The following BCR variants were observed in gnomAD, a reference collection of about 807,000 sequenced individuals.
The protein encoded by BCR is breakpoint cluster region protein.
Under a neutral mutation model 138.6 loss-of-function variants are expected in BCR, and 58 were observed. That is an observed-to-expected ratio of 0.42 (90% CI 0.34 to 0.52). The LOEUF is 0.52. Ranked by LOEUF, BCR falls within the 20% of genes least tolerant of loss-of-function variation. BCR has a pLI of 0.06. For synonymous variants in BCR, 786 were observed against 730.1 expected, an observed-to-expected ratio of 1.08 and a Z score of -1.23; for missense variants, 1,599 against 1,727.2, an observed-to-expected ratio of 0.93 and a Z score of 1.32.
rs770716239 is a variant in BCR, at chr22:23,181,169, A to G, written c.209A>G (p.Tyr70Cys). The G allele has an allele frequency of 7.8e-6, 11 of 1,409,710 alleles. No homozygotes were observed. The highest frequency in any genetic ancestry group is 2.9e-5 in the African/African-American group (2 of 67,978). 87.3% of individuals were successfully genotyped at this position (1,409,710 alleles called of 1,614,324 possible). A position where few individuals can be genotyped will look rare whatever the true frequency, so the allele number is the denominator to read the frequency against. ...QTLLAKEKKS[Y>C]DRQRWGFRRA... The stretch of plus-strand genomic sequence containing the variant: ...TTGCTGGCCAAGGAAAAGAAGAGCT[A>G]TGACCGGCAGCGATGGGGCTTCCGG... Residue 70 changes from tyrosine (Y) to cysteine (C), a missense_variant, in exon 1 of 23, where the codon TAT becomes TGT. By Grantham distance (194) the Tyr-to-Cys change is radical. Around this residue, in one of 4 missense-constraint regions of BCR, gnomAD observed 806 missense variants for 635.0 expected, o/e 1.27. Coordinates refer to ENST00000305877, the MANE Select transcript of BCR (RefSeq NM_004327.4).
At chr22:23,302,907 G>A (rs2073918049) in intron 16 of BCR, 1 of 152,296 alleles carries the variant, frequency 6.6e-6, no homozygotes, top group East Asian at 1.9e-4. Context: ...CCAGGGGCTG[G>A]AGCCAGATAG....
At position 23,182,094 on chromosome 22, in the gene BCR, C is replaced by T. The variant is rs2072275848; in HGVS notation, c.1134C>T (p.Phe378=). 6.2e-7 allele frequency: 1 copy of T among 1,613,148 alleles called. No homozygotes were observed. The part of the protein sequence containing the change: ...RSPSQNSQQS[F]DSSSPPTPQC... Reference sequence around the variant, plus strand: ...CCTCGCAGAACTCGCAACAGTCCTTCGACAGCAGCAGTCCCCCCACGCCGC... The same window carrying T: ...CCTCGCAGAACTCGCAACAGTCCTTTGACAGCAGCAGTCCCCCCACGCCGC... Residue 378 remains phenylalanine, a synonymous_variant, in exon 1 of 23, where the codon TTC becomes TTT. Coordinates refer to ENST00000305877, the MANE Select transcript of BCR (RefSeq NM_004327.4).
intron 4 of BCR, among the ~76,000 whole-genome samples, chr22:23,266,264 T>G (rs1184095375): frequency 6.6e-6 from 1 of 152,008 alleles, no homozygotes; most frequent in Non-Finnish European, 1.5e-5. Context: ...TTTTTTTGTG[T>G]TTTTAGTAGA....
intron 2 of BCR, among the ~76,000 whole-genome samples, chr22:23,258,578 C>T (rs1273595476): frequency 2.0e-5 from 3 of 152,234 alleles, no homozygotes; most frequent in Admixed American, 6.5e-5. Context: ...CAGTCAGATC[C>T]TTCCTCAAAC....
intron 4 of BCR, among the ~76,000 whole-genome samples, chr22:23,265,335 C>G (rs2073427731): frequency 6.6e-6 from 1 of 152,352 alleles, no homozygotes; most frequent in African/African-American, 2.4e-5. Flanking sequence ...CTGGGGACTC[C>G]CCAAGGACAG....
chr22:23,210,602 C>T (rs867408225), intron 1 of BCR, among the ~76,000 whole-genome samples: 1 of 152,132 alleles, frequency 6.6e-6, no homozygotes, highest in African/African-American at 2.4e-5. Context: ...CACAGCAGGC[C>T]TATCACCCCA....
At chr22:23,203,082 ACTC>A (rs2072575209) in intron 1 of BCR, among the ~76,000 whole-genome samples, 1 of 151,802 alleles carries the variant, frequency 6.6e-6, no homozygotes, top group Admixed American at 6.6e-5. Context: ...CTGGTCTTAA[ACTC>A]CTGGGCTCAA....
intron 17 of BCR, chr22:23,309,948 G>C: frequency 3.1e-6 from 1 of 324,218 alleles, no homozygotes; most frequent in Non-Finnish European, 5.8e-6. Flanking sequence ...CTAAGAAAGA[G>C]AAAGCCAGGC....
chr22:23,195,284 G>A (rs2072464333), intron 1 of BCR, among the ~76,000 whole-genome samples: 1 of 152,068 alleles, frequency 6.6e-6, no homozygotes, highest in South Asian at 2.1e-4. Context: ...GCTGGGCATG[G>A]TGGCACATGC....
intron 1 of BCR, among the ~76,000 whole-genome samples, chr22:23,219,151 A>C (rs2072792257): frequency 6.6e-6 from 1 of 152,020 alleles, no homozygotes; most frequent in African/African-American, 2.4e-5. Flanking sequence ...ATCCAGGGGG[A>C]GGGGAGAAAG....
intron 1 of BCR, among the ~76,000 whole-genome samples, chr22:23,252,974 G>A (rs533827607): frequency 2.0e-5 from 3 of 152,320 alleles, no homozygotes; most frequent in South Asian, 2.1e-4. Context: ...TGCCCCTAAC[G>A]TCAGGTGTCA....
chr22:23,255,561 C>T (rs1179971981), intron 2 of BCR, among the ~76,000 whole-genome samples: 1 of 152,172 alleles, frequency 6.6e-6, no homozygotes, highest in African/African-American at 2.4e-5. Flanking sequence ...TTGAGAAAGG[C>T]AATTTCTTTC....
intron 15 of BCR, among the ~76,000 whole-genome samples, chr22:23,294,376 G>A (rs368425993): frequency 5.3e-5 from 8 of 152,154 alleles, no homozygotes; most frequent in South Asian, 4.1e-4. Context: ...AACCTGCATC[G>A]ACAGATCATT....
intron 1 of BCR, among the ~76,000 whole-genome samples, chr22:23,201,164 T>TTC (rs1411086519): frequency 3.9e-5 from 6 of 152,350 alleles, no homozygotes; most frequent in African/African-American, 1.4e-4. Context: ...GCTGGTCTGA[T>TTC]TAATGAGTTT....
At chr22:23,244,633 G>T (rs1264891415) in intron 1 of BCR, among the ~76,000 whole-genome samples, 2 of 152,240 alleles carry the variant, frequency 1.3e-5, no homozygotes, top group Non-Finnish European at 2.9e-5. Context: ...GGCAGGGGCT[G>T]GGTGTGCGGT....
Position 23,261,546 on chromosome 22 carries a change from T to G in BCR, c.1752+6T>G. 6.2e-7 allele frequency: 1 copy of G among 1,610,778 alleles called. No homozygotes were observed. Among genetic ancestry groups the G allele is most frequent in the African/African-American group, 1.3e-5 (1 of 74,962 alleles). ...GCGACCTCTTCCAGAAGCTGGTGAGTAACCCAGGGCCGGTGCTGGGACTAC... is the reference window on the plus strand; with the variant it reads ...GCGACCTCTTCCAGAAGCTGGTGAGGAACCCAGGGCCGGTGCTGGGACTAC... On this transcript the variant is annotated splice_donor_region_variant and intron_variant, in intron 4 of 22. Coordinates refer to ENST00000305877, the MANE Select transcript of BCR (RefSeq NM_004327.4).
intron 13 of BCR, chr22:23,289,831 G>A: frequency 1.7e-6 from 1 of 587,852 alleles, no homozygotes; most frequent in Admixed American, 3.0e-5. Flanking sequence ...CTGCTGCTGG[G>A]TGGTTGAGGA....
chr22:23,212,770 G>A (rs183657624), intron 1 of BCR, among the ~76,000 whole-genome samples: 101 of 152,366 alleles, frequency 6.6e-4, no homozygotes, highest in South Asian at 1.5e-3. Flanking sequence ...GACTCTGTCC[G>A]TTGGTTTGTT....
At chr22:23,296,191 C>T (rs919492261) in intron 16 of BCR, among the ~76,000 whole-genome samples, 2 of 151,726 alleles carry the variant, frequency 1.3e-5, no homozygotes, top group Non-Finnish European at 2.9e-5. Context: ...TGGCTAACAC[C>T]GTGAAACCCC....
Sources: allele counts gnomAD v4.1 joint callset (sites outside exome capture counted in the v4.1 genomes callset), GRCh38; gene constraint gnomAD v4.1.1; regional missense constraint gnomAD v4.1.1; transcripts MANE v1.5; gene names NCBI Gene and HGNC (gene_info 2026-07-23, HGNC 2026-07-21).